The following MCCC1 variants were observed in gnomAD, a reference collection of about 807,000 sequenced individuals.
MCCC1 encodes the protein methylcrotonyl-CoA carboxylase subunit 1.
A neutral mutation model predicts 83.8 loss-of-function variants in MCCC1; 64 were observed. The observed-to-expected ratio is 0.76, with a 90% CI of 0.62 to 0.94. MCCC1 has a LOEUF of 0.94. Ranked by LOEUF, MCCC1 falls within the 40% of genes least tolerant of loss-of-function variation. MCCC1 has a pLI of 0.00. For missense variants in MCCC1, 807 were observed against 904.7 expected, an observed-to-expected ratio of 0.89 and a Z score of 1.39; for synonymous variants, 322 against 315.4, an observed-to-expected ratio of 1.02 and a Z score of -0.22.
At chr3:183,065,767 CTA>C (rs1261464948) in intron 7 of MCCC1, among the ~76,000 whole-genome samples, 1 of 152,074 alleles carries the variant, frequency 6.6e-6, no homozygotes, top group African/African-American at 2.4e-5. Context: ...AACATATTGT[CTA>C]AAGTTAAAGG....
At chr3:183,071,756 C>T (rs1716712875) in intron 5 of MCCC1, among the ~76,000 whole-genome samples, 1 of 150,668 alleles carries the variant, frequency 6.6e-6, no homozygotes, top group Non-Finnish European at 1.5e-5. Context: ...TGCCAGAGTG[C>T]AGTGGTGCAA....
chr3:183,066,578 C>A lies in MCCC1; in HGVS notation c.761+4421G>T, dbSNP rs537497847. ...TCAGTCTCCCAAAGTGCTGGGATTA[C>A]AGGCATGAGCCACCAAGCCCCAAAA... On this transcript the variant is annotated intron_variant, in intron 7 of 18. Coordinates refer to ENST00000265594, the MANE Select transcript of MCCC1 (RefSeq NM_020166.5). Among the ~76,000 whole-genome samples, 6 of 152,226 alleles carry A rather than the reference C, an allele frequency of 3.9e-5. No homozygotes were observed. The East Asian group carries it at 1.2e-3, about 29-fold the overall frequency.
chr3:183,036,537 CTTTTT>C (rs11411314), intron 13 of MCCC1, among the ~76,000 whole-genome samples: 2 of 117,682 alleles, frequency 1.7e-5, no homozygotes, highest in South Asian at 3.0e-4. Context: ...GATCCATTTC[CTTTTT>C]TTTTTTTTTT....
chr3:183,096,445 GACTA>G (rs757374409), intron 1 of MCCC1, among the ~76,000 whole-genome samples: 32 of 152,176 alleles, frequency 2.1e-4, no homozygotes, highest in Admixed American at 7.2e-4. Context: ...GGTTATAAAG[GACTA>G]ACTAACCATT....
intron 3 of MCCC1, among the ~76,000 whole-genome samples, chr3:183,091,493 G>A (rs1296394700): frequency 6.6e-6 from 1 of 152,112 alleles, no homozygotes; most frequent in Non-Finnish European, 1.5e-5. Context: ...ACTTGAACCT[G>A]GAAGGTGGAG....
At chr3:183,045,316 G>T in intron 10 of MCCC1, 97 bp downstream of exon 10, 1 of 1,436,134 alleles carries the variant, frequency 7.0e-7, no homozygotes. Context: ...CTGACCTCAG[G>T]TGATCCACCT....
chr3:183,112,292 A>G (rs560613139), intron 1 of MCCC1, among the ~76,000 whole-genome samples: 4 of 152,320 alleles, frequency 2.6e-5, no homozygotes, highest in Admixed American at 2.0e-4. Context: ...TTCACATAAC[A>G]AGGACAGAAG....
chr3:183,017,631 A>C, intron 17 of MCCC1: 1 of 402,060 alleles, frequency 2.5e-6, no homozygotes, highest in Non-Finnish European at 4.6e-6. Flanking sequence ...TACAGGTCAA[A>C]TCTGAGACCT....
chr3:183,045,351 A>C, intron 10 of MCCC1, 62 bp downstream of exon 10: 1 of 1,601,310 alleles, frequency 6.2e-7, no homozygotes, highest in Non-Finnish European at 8.5e-7. Context: ...AAGTGCTGGG[A>C]CTACAGGCTT....
intron 14 of MCCC1, among the ~76,000 whole-genome samples, chr3:183,030,636 C>T (rs1274129596): frequency 6.6e-6 from 1 of 152,146 alleles, no homozygotes; most frequent in South Asian, 2.1e-4. Context: ...AAAATGTTCA[C>T]AAAAGTCAAA....
At chr3:183,046,432 C>CAAA (rs1427338082) in intron 9 of MCCC1, among the ~76,000 whole-genome samples, 180 of 151,234 alleles carry the variant, frequency 1.2e-3, no homozygotes, top group African/African-American at 4.1e-3. Flanking sequence ...GAATCTCACT[C>CAAA]TGTCATCCAG....
chr3:183,096,265 G>A (rs1445171505), intron 1 of MCCC1, among the ~76,000 whole-genome samples: 1 of 152,054 alleles, frequency 6.6e-6, no homozygotes, highest in African/African-American at 2.4e-5. Context: ...GAACTTGGGA[G>A]GTGGAGGTTG....
intron 1 of MCCC1, chr3:183,099,129 C>A (rs1213586210): frequency 9.9e-6 from 6 of 605,936 alleles, no homozygotes; most frequent in Non-Finnish European, 1.8e-5. Flanking sequence ...CAAAGGCGCG[C>A]TGAAGCGTGG....
chr3:183,027,585 G>A (rs1413931432), intron 14 of MCCC1, among the ~76,000 whole-genome samples: 2 of 152,162 alleles, frequency 1.3e-5, no homozygotes, highest in Admixed American at 6.5e-5. Flanking sequence ...GGAGGCCAAA[G>A]CAGGACTGCT....
intron 8 of MCCC1, among the ~76,000 whole-genome samples, chr3:183,055,269 G>C (rs985801586): frequency 6.6e-6 from 1 of 151,964 alleles, no homozygotes; most frequent in Non-Finnish European, 1.5e-5. Context: ...AAAATTAGCC[G>C]GGTGTGGTGG....
At chr3:183,054,947 C>T (rs1477948397) in intron 8 of MCCC1, among the ~76,000 whole-genome samples, 1 of 152,200 alleles carries the variant, frequency 6.6e-6, no homozygotes, top group Non-Finnish European at 1.5e-5. Context: ...GCTCTACCAG[C>T]AGCCTAGGTG....
chr3:183,045,068 C>T (rs547782372), intron 10 of MCCC1, among the ~76,000 whole-genome samples: 4 of 151,232 alleles, frequency 2.6e-5, no homozygotes, highest in Admixed American at 2.0e-4. Context: ...TTTCAGCCCT[C>T]ACATCCCTCC....
intron 14 of MCCC1, among the ~76,000 whole-genome samples, chr3:183,026,365 TG>T (rs1712601306): frequency 6.6e-6 from 1 of 152,158 alleles, no homozygotes; most frequent in Non-Finnish European, 1.5e-5. Context: ...ATTTTAAGGT[TG>T]TCGAATATTT....
At chr3:183,037,503 C>A in intron 12 of MCCC1, 69 bp from the exon 13 acceptor site, 2 of 1,258,966 alleles carry the variant, frequency 1.6e-6, no homozygotes, top group Admixed American at 1.9e-5. Context: ...ACCATCTGCT[C>A]TTTTTATCTA....
Sources: gnomAD v4.1 joint callset for allele counts (sites outside exome capture counted in the v4.1 genomes callset) on GRCh38, gnomAD v4.1.1 for gene constraint, MANE v1.5 for transcripts, NCBI Gene and HGNC (gene_info 2026-07-23, HGNC 2026-07-21) for gene names.